KLHL29: variants seen among roughly 807,000 people sequenced by gnomAD.
KLHL29 encodes the protein kelch-like protein 29.
KLHL29 carries 21 observed loss-of-function variants against 80.4 expected under a neutral mutation model. That is an observed-to-expected ratio of 0.26 (90% CI 0.19 to 0.38). The LOEUF is 0.38. Among genes scored for constraint, KLHL29 ranks in the 10% least tolerant of loss-of-function variants. The probability of loss-of-function intolerance (pLI) is 1.00; values close to 1 mark genes in which losing one functional copy is unlikely to be tolerated. For missense variants in KLHL29, 867 were observed against 1,223.9 expected, an observed-to-expected ratio of 0.71 and a Z score of 4.35; for synonymous variants, 511 against 526.8, an observed-to-expected ratio of 0.97 and a Z score of 0.41.
intron 1 of KLHL29, among the ~76,000 whole-genome samples, chr2:23,468,543 GC>G (rs1033492633): frequency 6.6e-6 from 1 of 152,104 alleles, no homozygotes; most frequent in Non-Finnish European, 1.5e-5. Context: ...AAGAGACACC[GC>G]CCCCCTCCCC....
chr2:23,410,566 C>A (rs1390624053), intron 1 of KLHL29, among the ~76,000 whole-genome samples: 3 of 151,992 alleles, frequency 2.0e-5, no homozygotes, highest in African/African-American at 7.3e-5. Context: ...GACATCAGGG[C>A]CAGAGACAGA....
At chr2:23,467,360 T>C (rs1664380546) in intron 1 of KLHL29, among the ~76,000 whole-genome samples, 1 of 152,234 alleles carries the variant, frequency 6.6e-6, no homozygotes, top group South Asian at 2.1e-4. Context: ...CTTTCCATAT[T>C]GGCCAAGAAA....
rs973302968 is a variant in KLHL29 at position 23,693,418 on chromosome 2, G to A, written c.1432G>A (p.Asp478Asn). ...AQEEILSISK[D>N]DFIAYVSNDS... ...GGAGGAGATCCTCAGCATCTCCAAGGACGACTTCATCGCCTACGTCTCCAA... is the reference window on the plus strand; with the variant it reads ...GGAGGAGATCCTCAGCATCTCCAAGAACGACTTCATCGCCTACGTCTCCAA... Residue 478 changes from aspartate to asparagine, a missense_variant, in exon 8 of 14, where the codon GAC becomes AAC. Physicochemically the swap from Asp to Asn is conservative, Grantham distance 23. This residue lies in a region of KLHL29 where 443 missense variants were observed against 767.0 expected (regional missense o/e 0.58). Coordinates refer to ENST00000486442, the MANE Select transcript of KLHL29 (RefSeq NM_052920.2). 4.3e-5 allele frequency: 66 copies of A among 1,551,620 alleles called. No individual in the cohort carries two copies. The highest frequency in any genetic ancestry group is 5.7e-5 in the Non-Finnish European group (65 of 1,147,000).
chr2:23,464,661 A>C (rs1664299505), intron 1 of KLHL29, among the ~76,000 whole-genome samples: 1 of 152,046 alleles, frequency 6.6e-6, no homozygotes, highest in South Asian at 2.1e-4. Flanking sequence ...CCCCTTTTTG[A>C]GGGCATCCAG....
Position 23,695,691 on chromosome 2 carries a change from T to C in KLHL29, c.1611T>C (p.Val537=). ...ACCCCAGCTACCTGCTCAATGTGGT[T>C]GACAATGAAGAGCTGATCAAGTCAT... The part of the protein sequence containing the change: ...FIHPSYLLNV[V]DNEELIKSSE... The change falls in exon 9 of 14, where the codon GTT becomes GTC. Residue 537 remains valine (V), a synonymous_variant. Transcript: ENST00000486442. The surrounding 1 kb of genome is among the most constrained non-coding windows in gnomAD (Gnocchi z 7.6). The C allele has an allele frequency of 1.3e-6, 2 of 1,551,618 alleles. No homozygotes were observed. Among genetic ancestry groups the C allele is most frequent in the Non-Finnish European group, 1.7e-6 (2 of 1,146,960 alleles).
intron 1 of KLHL29, among the ~76,000 whole-genome samples, chr2:23,409,925 G>A (rs936931536): frequency 3.3e-5 from 5 of 152,210 alleles, no homozygotes; most frequent in African/African-American, 7.2e-5. Flanking sequence ...TTTAAAGGGA[G>A]GGTGAGCTGG....
At position 23,492,813 on chromosome 2, in the gene KLHL29, C is replaced by T. The variant is rs944044851; in HGVS notation, c.-46+17146C>T. On this transcript the variant is annotated intron_variant, in intron 2 of 13. Transcript: ENST00000486442. ...AGACAGAGCTAGTCCTGGCTGGTCC[C>T]GAACCTCCTCTTTTTTTTGCCCATC... 2.6e-5 allele frequency among the ~76,000 whole-genome samples: 4 copies of T among 152,198 alleles called. No homozygotes were observed. The South Asian group carries it at 6.2e-4, about 24-fold the overall frequency.
intron 3 of KLHL29, among the ~76,000 whole-genome samples, chr2:23,581,415 C>T (rs1049814429): frequency 6.6e-6 from 1 of 152,200 alleles, no homozygotes; most frequent in Non-Finnish European, 1.5e-5. Context: ...AAGGCAGCTT[C>T]CCTAATGTCA....
intron 2 of KLHL29, among the ~76,000 whole-genome samples, chr2:23,558,198 ACAT>A: frequency 1.5e-5 from 1 of 65,246 alleles, no homozygotes; most frequent in African/African-American, 3.2e-5. Context: ...TGTGGTGAAT[ACAT>A]AACATCCTCT....
chr2:23,597,343 GTGTA>G (rs1668439839), intron 3 of KLHL29, among the ~76,000 whole-genome samples: 2 of 134,410 alleles, frequency 1.5e-5, no homozygotes, highest in African/African-American at 5.8e-5. Flanking sequence ...GTGTGTGTGT[GTGTA>G]TGTATATGTG....
intron 11 of KLHL29, among the ~76,000 whole-genome samples, chr2:23,702,248 A>G (rs1356474678): frequency 6.6e-6 from 1 of 152,202 alleles, no homozygotes; most frequent in Non-Finnish European, 1.5e-5. Flanking sequence ...GCAAAAATGC[A>G]TTTAATACAC....
At chr2:23,668,889 G>A (rs11125160) in intron 5 of KLHL29, 93,131 of 152,218 alleles carry the variant, frequency 0.61, 30,632 homozygotes, top group East Asian at 0.93. Context: ...ACCCCGAGAG[G>A]GAGCCAGCCT....
chr2:23,553,415 A>G (rs905594964), intron 2 of KLHL29, among the ~76,000 whole-genome samples: 3 of 152,250 alleles, frequency 2.0e-5, no homozygotes, highest in African/African-American at 4.8e-5. Flanking sequence ...GAAGGCTGGC[A>G]TCAGCCTGGG....
chr2:23,505,649 TC>T (rs1204883959), intron 2 of KLHL29, among the ~76,000 whole-genome samples: 1 of 152,142 alleles, frequency 6.6e-6, no homozygotes, highest in Non-Finnish European at 1.5e-5. Flanking sequence ...AGGGAAGTCC[TC>T]CCAAGTACCC....
At chr2:23,423,419 C>A (rs997868258) in intron 1 of KLHL29, among the ~76,000 whole-genome samples, 1 of 152,226 alleles carries the variant, frequency 6.6e-6, no homozygotes, top group Admixed American at 6.5e-5. Context: ...CGCGGGCTGT[C>A]CCCTGCTTTG....
chr2:23,421,409 T>C (rs1477223353), intron 1 of KLHL29, among the ~76,000 whole-genome samples: 1 of 152,150 alleles, frequency 6.6e-6, no homozygotes, highest in Non-Finnish European at 1.5e-5. Flanking sequence ...TCTCTGCCTC[T>C]CCTCTCCTCT....
intron 13 of KLHL29, 71 bp downstream of exon 13, chr2:23,703,934 A>G: frequency 6.9e-7 from 1 of 1,440,514 alleles, no homozygotes; most frequent in Non-Finnish European, 9.2e-7. Context: ...GACCACAATG[A>G]TTTCCTGCCA....
intron 3 of KLHL29, among the ~76,000 whole-genome samples, chr2:23,563,864 G>A (rs1307265290): frequency 6.6e-6 from 1 of 152,164 alleles, no homozygotes; most frequent in Non-Finnish European, 1.5e-5. Context: ...AAAGAATGTT[G>A]GACAGGGGAG....
chr2:23,636,653 G>A (rs780306379), intron 3 of KLHL29, among the ~76,000 whole-genome samples: 7 of 152,176 alleles, frequency 4.6e-5, no homozygotes, highest in Non-Finnish European at 8.8e-5. Context: ...TTGGTCACCC[G>A]TGTCCCTAGT....
Sources: allele counts gnomAD v4.1 joint callset (sites outside exome capture counted in the v4.1 genomes callset), GRCh38; gene constraint gnomAD v4.1.1; regional missense constraint gnomAD v4.1.1; non-coding constraint Gnocchi (gnomAD v3.1); transcripts MANE v1.5; gene names NCBI Gene and HGNC (gene_info 2026-07-23, HGNC 2026-07-21).